Variants in FAM170B observed in about 807,000 individuals in gnomAD.
FAM170B encodes protein FAM170B.
A neutral mutation model predicts 3.9 loss-of-function variants in FAM170B; 4 were observed. That is an observed-to-expected ratio of 1.01 (90% CI 0.50 to 2.32). The LOEUF (loss-of-function observed/expected upper bound fraction) is 2.32, where lower values mean the gene tolerates loss of function less well. Among genes scored for constraint, FAM170B ranks in the 30% most tolerant of loss-of-function variants. FAM170B has a pLI of 0.02. For missense variants in FAM170B, 417 were observed against 368.6 expected (o/e 1.13, Z -1.07); for synonymous variants, 163 against 149.8 (o/e 1.09, Z -0.64).
chr10:49,133,333 A>G (rs1845210902), intron 1 of FAM170B, among the ~76,000 whole-genome samples: 1 of 152,196 alleles, frequency 6.6e-6, no homozygotes, highest in South Asian at 2.1e-4. Context: ...TAGGATTCCC[A>G]TTCAACAGAG....
Position 49,131,599 on chromosome 10 carries a change from A to G in FAM170B, c.*14T>C, listed in dbSNP as rs752969603. ...CCTGGAGGTGAGGGCAGGGTTGGGT[A>G]TCTCCCCTCTGGCTCACTGCTTCTC... is the stretch of plus-strand genomic sequence containing the variant. On this transcript the variant is annotated 3_prime_UTR_variant, in exon 2 of 2. Transcript: ENST00000311787. 2 of 1,544,352 alleles carry G rather than the reference A, an allele frequency of 1.3e-6. No homozygotes were observed. Among genetic ancestry groups the G allele is most frequent in the Admixed American group, 3.9e-5 (2 of 50,740 alleles).
At chr10:49,133,538 C>A (rs1200400218) in intron 1 of FAM170B, among the ~76,000 whole-genome samples, 1 of 152,178 alleles carries the variant, frequency 6.6e-6, no homozygotes, top group Non-Finnish European at 1.5e-5. Flanking sequence ...GTTGTTTTCT[C>A]AAATACACAT....
chr10:49,131,783 G>T lies in FAM170B; in HGVS notation c.682C>A (p.Arg228=). The T allele has an allele frequency of 1.9e-6, 3 of 1,550,830 alleles. No individual in the cohort carries two copies. Among genetic ancestry groups the T allele is most frequent in the Middle Eastern group, 1.7e-4 (1 of 5,992 alleles). Residue 228 remains arginine (R), a synonymous_variant, in exon 2 of 2, where the codon CGG becomes AGG. Transcript: ENST00000311787. ...AAGATCTGACAGCTGAAGCCCTCCC[G>T]GATGCCATGCTGGGCGTGCTCCAGC... ...ALLEHAQHGI[R]EGFSCQIFFE...
At chr10:49,133,620 A>G (rs554918134) in intron 1 of FAM170B, among the ~76,000 whole-genome samples, 187 bp downstream of exon 1, 2 of 152,156 alleles carry the variant, frequency 1.3e-5, no homozygotes, top group Non-Finnish European at 2.9e-5. Context: ...TTATATACTC[A>G]TAACAGCCTC....
In FAM170B at chr10:49,133,711, A is replaced by C. The variant is rs1368970444; in HGVS notation, c.112+96T>G. On this transcript the variant is annotated intron_variant, in intron 1 of 1. Coordinates refer to ENST00000311787, the MANE Select transcript of FAM170B (RefSeq NM_001164484.2). ...ATGGTCAACACAACCATTTGGTAAC[A>C]GTATCAGGAGGCAACCTGGCACTGT... The C allele has an allele frequency of 8.6e-6, 8 of 928,222 alleles. No homozygotes were observed. The South Asian group carries it at 1.1e-4, about 12-fold the overall frequency. The allele number at this position is 928,222 out of a possible 1,614,324, so 57.5% of individuals were successfully genotyped here. A position where few individuals can be genotyped will look rare whatever the true frequency, so the allele number is the denominator to read the frequency against.
Position 49,131,687 on chromosome 10 carries a change from T to C in FAM170B, c.778A>G (p.Ser260Gly), listed in dbSNP as rs898298732. Residue 260 changes from serine to glycine, a missense_variant, in exon 2 of 2, where the codon AGT becomes GGT. Ser to Gly is a moderately conservative substitution (Grantham distance 56). Transcript: ENST00000311787. ...AHDQQLEEEQSPSDNSECSRP... is the reference protein window; with the variant it reads ...AHDQQLEEEQGPSDNSECSRP... ...GAACATTCGCTGTTGTCTGAAGGAC[T>C]CTGCTCCTCCTCCAGCTGTTGGTCA... The C allele has an allele frequency of 6.4e-7, 1 of 1,551,768 alleles. No homozygotes were observed. The highest frequency in any genetic ancestry group is 8.7e-7 in the Non-Finnish European group (1 of 1,147,002).
intron 1 of FAM170B, among the ~76,000 whole-genome samples, chr10:49,133,410 C>A (rs1299111745): frequency 3.3e-5 from 5 of 152,192 alleles, no homozygotes; most frequent in Non-Finnish European, 7.3e-5. Flanking sequence ...TGGTGTGACA[C>A]TTAGGTGCTG....
At chr10:49,132,446 C>T in intron 1 of FAM170B, 94 bp from the exon 2 acceptor site, 1 of 1,375,550 alleles carries the variant, frequency 7.3e-7, no homozygotes, top group Non-Finnish European at 9.6e-7. Flanking sequence ...GGTACAGGCT[C>T]TGGGAGCTCT....
At chr10:49,133,437 C>A (rs7094217) in intron 1 of FAM170B, among the ~76,000 whole-genome samples, 104,797 of 152,164 alleles carry the variant, frequency 0.69, 37,661 homozygotes, top group African/African-American at 0.91. Flanking sequence ...GACACGTCCC[C>A]GCGGTCTTCA....
intron 1 of FAM170B, among the ~76,000 whole-genome samples, 190 bp from the exon 2 acceptor site, chr10:49,132,542 A>G (rs1333558552): frequency 6.6e-6 from 1 of 152,230 alleles, no homozygotes; most frequent in Non-Finnish European, 1.5e-5. Context: ...TAATGATTGA[A>G]TAATGTATGA....
At position 49,132,018 on chromosome 10, in the gene FAM170B, C is replaced by G; in HGVS notation, c.447G>C (p.Trp149Cys). 6.4e-7 allele frequency: 1 copy of G among 1,551,770 alleles called. No homozygotes were observed. Among genetic ancestry groups the G allele is most frequent in the Non-Finnish European group, 8.7e-7 (1 of 1,147,006 alleles). ...AAGCCATTTCGAAGGAGGAGCCGTT[C>G]CACCTCTGCCTCTTGATGAACTGGG... Reference protein sequence around the residue: ...HEAQFIKRQRWNGSSFEMASN... With the variant: ...HEAQFIKRQRCNGSSFEMASN... Residue 149 changes from tryptophan to cysteine, a missense_variant, in exon 2 of 2, where the codon TGG (tryptophan) becomes TGC (cysteine). Transcript: ENST00000311787.
At position 49,132,366 on chromosome 10, in the gene FAM170B, G is replaced by C. The variant is rs752909853; in HGVS notation, c.113-14C>G. 1.3e-5 allele frequency: 20 copies of C among 1,518,014 alleles called. No individual in the cohort carries two copies. In the African/African-American group the frequency reaches 2.6e-4, roughly 20 times the overall value. 94.0% of individuals were successfully genotyped at this position (1,518,014 alleles called of 1,614,324 possible). On this transcript the variant is annotated splice_polypyrimidine_tract_variant and intron_variant, in intron 1 of 1. Coordinates refer to ENST00000311787, the MANE Select transcript of FAM170B (RefSeq NM_001164484.2). ...TCTGTATAGTCCCTGAGAAGCAGAA[G>C]GACATTGTCATCAGTGCCCTTTAAG... is the stretch of plus-strand genomic sequence containing the variant.
chr10:49,132,842 G>T (rs1202709760), intron 1 of FAM170B, among the ~76,000 whole-genome samples: 1 of 104,530 alleles, frequency 9.6e-6, no homozygotes. Context: ...AAGAGAATGT[G>T]AACAAAAAAA....
At chr10:49,133,720 AG>A (rs1310347459) in intron 1 of FAM170B, 86 bp downstream of exon 1, 5 of 1,069,612 alleles carry the variant, frequency 4.7e-6, no homozygotes, top group African/African-American at 1.6e-5. Context: ...CAGTATCAGG[AG>A]GCAACCTGGC....
chr10:49,133,874 G>T lies in FAM170B; in HGVS notation c.45C>A (p.Thr15=). The T allele has an allele frequency of 1.3e-6, 2 of 1,551,694 alleles. No individual in the cohort carries two copies. Among genetic ancestry groups the T allele is most frequent in the Non-Finnish European group, 1.7e-6 (2 of 1,146,992 alleles). Residue 15 remains threonine (T), a synonymous_variant, in exon 1 of 2, where the codon ACC becomes ACA. Transcript: ENST00000311787. ...TGGTCAAGCTGAGGGTGGTCCCATC[G>T]GTGGGTGACTGTTCTCCCCTGTGAT... The part of the protein sequence containing the change: ...FTDHRGEQSP[T]DGTTLSLTSP...
Position 49,131,529 on chromosome 10 carries a change from C to G in FAM170B, c.*84G>C, listed in dbSNP as rs1845181086. ...CTGACCCTGGTCCTCTCTCCCTGCC[C>G]TAGTGGCTCTGATACTGCTGGCTGG... On this transcript the variant is annotated 3_prime_UTR_variant, in exon 2 of 2. Transcript: ENST00000311787. 2.7e-5 allele frequency: 40 copies of G among 1,463,906 alleles called. No homozygotes were observed. The highest frequency in any genetic ancestry group is 1.9e-4 in the Middle Eastern group (1 of 5,286). The allele number at this position is 1,463,906 out of a possible 1,614,324, so 90.7% of individuals were successfully genotyped here. A position where few individuals can be genotyped will look rare whatever the true frequency, so the allele number is the denominator to read the frequency against.
Position 49,131,349 on chromosome 10 carries a change from G to A in FAM170B, c.*264C>T. On this transcript the variant is annotated 3_prime_UTR_variant, in exon 2 of 2. Transcript: ENST00000311787. ...AATCCCTCTGGCCATGCGTTTGTGG[G>A]TTTCAGATGTTGTGCCTGCCATCAG... 2 of 436,096 alleles carry A rather than the reference G, an allele frequency of 4.6e-6. No homozygotes were observed. The highest frequency in any genetic ancestry group is 8.0e-6 in the Non-Finnish European group (2 of 248,668). 27.0% of individuals were successfully genotyped at this position (436,096 alleles called of 1,614,324 possible).
At position 49,133,942 on chromosome 10, in the gene FAM170B, G is replaced by T. The variant is rs1285573376; in HGVS notation, c.-24C>A. On this transcript the variant is annotated 5_prime_UTR_variant, in exon 1 of 2. Coordinates refer to ENST00000311787, the MANE Select transcript of FAM170B (RefSeq NM_001164484.2). ...ATGATTTGAAATGAGTGCCCAGGGT[G>T]TCGGTGCTCCAGCTGTTCAGTGAGA... 6 of 1,533,422 alleles carry T rather than the reference G, an allele frequency of 3.9e-6. No homozygotes were observed. The African/African-American group carries it at 6.9e-5, about 18-fold the overall frequency. 95.0% of individuals were successfully genotyped at this position (1,533,422 alleles called of 1,614,324 possible). A position where few individuals can be genotyped will look rare whatever the true frequency, so the allele number is the denominator to read the frequency against.
At chr10:49,133,697 A>T in intron 1 of FAM170B, 110 bp downstream of exon 1, 1 of 803,260 alleles carries the variant, frequency 1.2e-6, no homozygotes, top group Non-Finnish European at 2.1e-6. Flanking sequence ...TGGTCAACAC[A>T]ACCATTTGGT....
Sources: gnomAD v4.1 joint callset for allele counts (sites outside exome capture counted in the v4.1 genomes callset) on GRCh38, gnomAD v4.1.1 for gene constraint, MANE v1.5 for transcripts, NCBI Gene and HGNC (gene_info 2026-07-23, HGNC 2026-07-21) for gene names.